Variants in ARHGEF10L observed in about 807,000 individuals in gnomAD.
ARHGEF10L encodes the protein Rho guanine nucleotide exchange factor 10 like.
ARHGEF10L carries 69 observed loss-of-function variants against 141.2 expected under a neutral mutation model. That is an observed-to-expected ratio of 0.49 (90% CI 0.40 to 0.60). ARHGEF10L has a LOEUF of 0.60. ARHGEF10L is among the 20% of genes least tolerant of loss of function. The pLI, the probability that ARHGEF10L is intolerant of heterozygous loss-of-function variation, is 0.00. For missense variants in ARHGEF10L, 1,482 were observed against 1,734.3 expected (o/e 0.85, Z 2.58); for synonymous variants, 711 against 718.5 (o/e 0.99, Z 0.17).
intron 26 of ARHGEF10L, among the ~76,000 whole-genome samples, chr1:17,670,349 C>T (rs1483701060): frequency 2.0e-5 from 3 of 152,234 alleles, no homozygotes; most frequent in African/African-American, 7.2e-5. Context: ...GAGGCAGAAG[C>T]GAGGCCTGTT....
chr1:17,624,603 G>A, intron 13 of ARHGEF10L, 100 bp downstream of exon 13: 1 of 936,176 alleles, frequency 1.1e-6, no homozygotes, highest in Non-Finnish European at 1.7e-6. Flanking sequence ...TGACATCATA[G>A]CTTTGGCCTG....
intron 15 of ARHGEF10L, among the ~76,000 whole-genome samples, chr1:17,630,950 G>T (rs2060645063): frequency 6.6e-6 from 1 of 151,562 alleles, no homozygotes. Flanking sequence ...GGAGGCTCAG[G>T]GTGTTCTGTC....
Position 17,695,199 on chromosome 1 carries a change from G to C in ARHGEF10L, c.3226G>C (p.Gly1076Arg). 19 of 1,612,956 alleles carry C rather than the reference G, an allele frequency of 1.2e-5. No homozygotes were observed. The highest frequency in any genetic ancestry group is 8.5e-6 in the Non-Finnish European group (10 of 1,179,918). The change falls in exon 28 of 29, where the codon GGT becomes CGT. Residue 1076 changes from glycine (G) to arginine (R), a missense_variant. This residue lies in a region of ARHGEF10L where 858 missense variants were observed against 966.3 expected (regional missense o/e 0.89). Transcript: ENST00000361221. ...TGTCACCAGCCTCCTGATCTGCCAG[G>C]GTCTGCTCTGGGTGGGCACTGACCA... ...LCVTSLLICQGLLWVGTDQGV... is the reference protein window; with the variant it reads ...LCVTSLLICQRLLWVGTDQGV...
At position 17,634,296 on chromosome 1, in the gene ARHGEF10L, T is replaced by C. The variant is rs562989359; in HGVS notation, c.1731-252T>C. 34 of 642,812 alleles carry C rather than the reference T, an allele frequency of 5.3e-5. No individual in the cohort carries two copies. In the African/African-American group the frequency reaches 5.9e-4, roughly 11 times the overall value. 39.8% of individuals were successfully genotyped at this position (642,812 alleles called of 1,614,324 possible). ...GGTGATTTGGGCTGAGTCACTTCAC[T>C]TGACTGAGGATCAGTGTCCTTGTCT... On this transcript the variant is annotated intron_variant, in intron 16 of 28. Transcript: ENST00000361221.
intron 16 of ARHGEF10L, 176 bp from the exon 17 acceptor site, chr1:17,634,372 G>A (rs954361224): frequency 2.2e-5 from 21 of 967,596 alleles, no homozygotes; most frequent in Middle Eastern, 4.3e-4. Flanking sequence ...AGAGATGAAG[G>A]AAGGCCCGCT....
upstream of ARHGEF10L, among the ~76,000 whole-genome samples, chr1:17,537,854 C>CAAAAAAAA (rs10611023): frequency 2.7e-3 from 212 of 79,710 alleles, no homozygotes; most frequent in Middle Eastern, 8.3e-3. Context: ...ACCATCTCTA[C>CAAAAAAAA]AAAAAAAAAA....
At chr1:17,542,920 C>T (rs572714789) in intron 1 of ARHGEF10L, among the ~76,000 whole-genome samples, 1 of 152,144 alleles carries the variant, frequency 6.6e-6, no homozygotes, top group Non-Finnish European at 1.5e-5. Context: ...TTCCTGTCAC[C>T]CGGCTAGACA....
chr1:17,524,944 C>T, the ARHGEF10L span, among the ~76,000 whole-genome samples: 965 of 152,292 alleles, frequency 6.3e-3, 29 homozygotes, highest in East Asian at 0.065. Flanking sequence ...AGTAAGTCCT[C>T]TTCTCCCCTG....
At position 17,656,195 on chromosome 1, in the gene ARHGEF10L, C is replaced by T. The variant is rs2062236621; in HGVS notation, c.2705+93C>T. The T allele has an allele frequency of 1.0e-5, 14 of 1,363,904 alleles. No individual in the cohort carries two copies. The highest frequency in any genetic ancestry group is 1.4e-5 in the Non-Finnish European group (14 of 999,286). The allele number at this position is 1,363,904 out of a possible 1,614,324, so 84.5% of individuals were successfully genotyped here. On this transcript the variant is annotated intron_variant, in intron 24 of 28. Coordinates refer to ENST00000361221, the MANE Select transcript of ARHGEF10L (RefSeq NM_018125.4). This position sits in a 1 kb window ranked among gnomAD's most constrained non-coding sequence, Gnocchi z 4.9. ...TGTAGCCTTCCGGATCTGCCTGTTG[C>T]CCACCAACATTCTCTGCCCCTGGTC...
At chr1:17,677,317 C>T (rs957830017) in intron 26 of ARHGEF10L, among the ~76,000 whole-genome samples, 2 of 151,990 alleles carry the variant, frequency 1.3e-5, no homozygotes, top group Non-Finnish European at 2.9e-5. Context: ...CACGCACAGG[C>T]GTTCTTTCTT....
chr1:17,596,763 C>T (rs913455525), intron 4 of ARHGEF10L, among the ~76,000 whole-genome samples: 4 of 152,144 alleles, frequency 2.6e-5, no homozygotes, highest in Non-Finnish European at 4.4e-5. Flanking sequence ...GCTGGGGGCC[C>T]GGCGCGGTGG....
At chr1:17,652,241 G>A (rs2061979361) in intron 22 of ARHGEF10L, among the ~76,000 whole-genome samples, 1 of 152,178 alleles carries the variant, frequency 6.6e-6, no homozygotes, top group South Asian at 2.1e-4. Flanking sequence ...GGGTGTTGGG[G>A]CAGGAGGCAG....
At chr1:17,563,271 A>C (rs1445155541) in intron 1 of ARHGEF10L, among the ~76,000 whole-genome samples, 1 of 146,444 alleles carries the variant, frequency 6.8e-6, no homozygotes, top group Non-Finnish European at 1.5e-5. Flanking sequence ...GTCTCGTTCC[A>C]TTGCCCAGGG....
chr1:17,639,643 C>T lies in ARHGEF10L; in HGVS notation c.2172-559C>T, dbSNP rs1468606432. On this transcript the variant is annotated intron_variant, in intron 20 of 28. Coordinates refer to ENST00000361221, the MANE Select transcript of ARHGEF10L (RefSeq NM_018125.4). This position sits in a 1 kb window ranked among gnomAD's most constrained non-coding sequence, Gnocchi z 4.3. ...CCCACCTCCCAAAGGGCTGGGAAGG[C>T]CCCCACTGCTCTGAGGTGAGAGGAC... 1 of 380,720 alleles carries T rather than the reference C, an allele frequency of 2.6e-6. No individual in the cohort carries two copies. Among genetic ancestry groups the T allele is most frequent in the Non-Finnish European group, 5.2e-6 (1 of 192,082 alleles). The allele number at this position is 380,720 out of a possible 1,614,324, so 23.6% of individuals were successfully genotyped here. A position where few individuals can be genotyped will look rare whatever the true frequency, so the allele number is the denominator to read the frequency against.
intron 1 of ARHGEF10L, among the ~76,000 whole-genome samples, chr1:17,549,028 T>C (rs1055903526): frequency 4.8e-4 from 73 of 151,822 alleles, no homozygotes; most frequent in African/African-American, 1.7e-3. Flanking sequence ...GTTTTGTTTT[T>C]GTTTTTGTTT....
upstream of ARHGEF10L, among the ~76,000 whole-genome samples, chr1:17,537,867 A>AG (rs1320651898): frequency 6.6e-6 from 1 of 151,238 alleles, no homozygotes; most frequent in Non-Finnish European, 1.5e-5. Context: ...AAAAAAAAAA[A>AG]AAAAAAAGAA....
chr1:17,533,499 A>G, the ARHGEF10L span, among the ~76,000 whole-genome samples: 1 of 152,154 alleles, frequency 6.6e-6, no homozygotes. Context: ...TACATTCCCC[A>G]GGAGAATGGG....
chr1:17,561,097 C>T (rs567736651), intron 1 of ARHGEF10L, among the ~76,000 whole-genome samples: 52 of 152,338 alleles, frequency 3.4e-4, no homozygotes, highest in African/African-American at 1.3e-3. Context: ...AGCCTTACTT[C>T]AGAGTGCATT....
Position 17,670,735 on chromosome 1 carries a change from G to A in ARHGEF10L, c.3009+6140G>A, listed in dbSNP as rs78244772. ...ATACACATTATGCTATTGGATCTCC[G>A]CAACGCTGAGGAGTGACCCGCTGGG... is the stretch of plus-strand genomic sequence containing the variant. On this transcript the variant is annotated intron_variant, in intron 26 of 28. Transcript: ENST00000361221. Among the ~76,000 whole-genome samples, 1,285 of 152,310 alleles carry A rather than the reference G, an allele frequency of 8.4e-3. 87 individuals are homozygous for A. In the East Asian group the frequency reaches 0.18, roughly 21 times the overall value.
Sources: gnomAD v4.1 joint callset for allele counts (sites outside exome capture counted in the v4.1 genomes callset) on GRCh38, gnomAD v4.1.1 for gene constraint, gnomAD v4.1.1 regional missense constraint, Gnocchi (gnomAD v3.1) non-coding constraint, MANE v1.5 for transcripts, NCBI Gene and HGNC (gene_info 2026-07-23, HGNC 2026-07-21) for gene names.